The following CA10 variants were observed in gnomAD, a reference collection of about 807,000 sequenced individuals.
CA10 encodes the protein carbonic anhydrase 10 (inactive).
A neutral mutation model predicts 44.2 loss-of-function variants in CA10; 14 were observed. The ratio of observed to expected loss-of-function variants is 0.32; its 90% CI spans 0.21 to 0.50. The LOEUF is 0.50. CA10 is among the 20% of genes least tolerant of loss of function. The probability of loss-of-function intolerance (pLI) is 0.99; values close to 1 mark genes in which losing one functional copy is unlikely to be tolerated. For missense variants in CA10, 350 were observed against 409.7 expected, an observed-to-expected ratio of 0.85 and a Z score of 1.26; for synonymous variants, 159 against 141.6, an observed-to-expected ratio of 1.12 and a Z score of -0.87.
intron 2 of CA10, among the ~76,000 whole-genome samples, chr17:52,011,919 G>A (rs935251047): frequency 2.0e-5 from 3 of 152,148 alleles, no homozygotes; most frequent in African/African-American, 7.2e-5. Flanking sequence ...GGTGAACACA[G>A]TTGTGTTTTA....
rs1980935205 is a variant in CA10, at chr17:51,893,230, A to G, written c.279+37760T>C. Among the ~76,000 whole-genome samples the G allele has an allele frequency of 2.6e-5, 4 of 152,154 alleles. 1 individual carries two copies. In the South Asian group the frequency reaches 8.3e-4, roughly 32 times the overall value. ...AGGATTGAGAGTAACATGAAACCAC[A>G]CTGGTTCTGCGTGGGTGGAAATTGT... On this transcript the variant is annotated intron_variant, in intron 3 of 8. Coordinates refer to ENST00000451037, the MANE Select transcript of CA10 (RefSeq NM_020178.5).
At chr17:51,864,322 T>C (rs547983428) in intron 3 of CA10, among the ~76,000 whole-genome samples, 55 of 152,290 alleles carry the variant, frequency 3.6e-4, no homozygotes, top group African/African-American at 1.3e-3. Flanking sequence ...CAAAACATGG[T>C]AAGTGGTCCA....
chr17:51,838,771 T>C (rs546462411), intron 3 of CA10, among the ~76,000 whole-genome samples: 192 of 152,370 alleles, frequency 1.3e-3, no homozygotes, highest in Middle Eastern at 6.8e-3. Context: ...CACACAGTTA[T>C]GCTCAAGGGA....
At chr17:51,827,661 G>C (rs1908078195) in intron 3 of CA10, among the ~76,000 whole-genome samples, 1 of 152,182 alleles carries the variant, frequency 6.6e-6, no homozygotes, top group Admixed American at 6.5e-5. Context: ...CTTGCTGGCA[G>C]GTAATCGTTA....
chr17:51,733,736 G>A (rs7219619), intron 4 of CA10, among the ~76,000 whole-genome samples: 3 of 152,106 alleles, frequency 2.0e-5, no homozygotes, highest in African/African-American at 7.2e-5. Flanking sequence ...CGGAGGAGTT[G>A]GAGGTGACAG....
chr17:51,673,400 C>T (rs1036404881), intron 4 of CA10, among the ~76,000 whole-genome samples: 6 of 152,160 alleles, frequency 3.9e-5, no homozygotes, highest in African/African-American at 1.4e-4. Flanking sequence ...ATTATCCTGC[C>T]ACCCTGAACT....
chr17:51,662,101 G>A (rs1371730454), intron 4 of CA10, among the ~76,000 whole-genome samples: 1 of 152,194 alleles, frequency 6.6e-6, no homozygotes. Context: ...TCCAGTAAGT[G>A]TTCTATACAG....
chr17:52,027,216 C>A (rs1051808977), intron 2 of CA10, among the ~76,000 whole-genome samples: 12 of 152,064 alleles, frequency 7.9e-5, no homozygotes, highest in Admixed American at 7.9e-4. Flanking sequence ...AATGCAGCTA[C>A]TGATCAAGAA....
At chr17:51,986,565 G>A (rs577208297) in intron 2 of CA10, among the ~76,000 whole-genome samples, 1 of 151,768 alleles carries the variant, frequency 6.6e-6, no homozygotes, top group Non-Finnish European at 1.5e-5. Flanking sequence ...AGTTAGCAGA[G>A]CAGACAACCT....
At chr17:51,729,856 A>G (rs1286998933) in intron 4 of CA10, among the ~76,000 whole-genome samples, 1 of 152,250 alleles carries the variant, frequency 6.6e-6, no homozygotes, top group East Asian at 1.9e-4. Flanking sequence ...ATGTGGTCAG[A>G]TAAAGGGAAA....
At chr17:51,759,785 A>G (rs1392940799) in intron 3 of CA10, among the ~76,000 whole-genome samples, 1 of 152,098 alleles carries the variant, frequency 6.6e-6, no homozygotes, top group Non-Finnish European at 1.5e-5. Context: ...GAAGGGGTAC[A>G]GTAATATAGA....
intron 4 of CA10, among the ~76,000 whole-genome samples, chr17:51,655,039 A>C (rs1252588019): frequency 2.0e-5 from 3 of 152,168 alleles, no homozygotes; most frequent in Non-Finnish European, 4.4e-5. Flanking sequence ...AAAAATAATA[A>C]ATTCCCTAGT....
At chr17:51,718,644 A>G (rs1458244666) in intron 4 of CA10, among the ~76,000 whole-genome samples, 1 of 152,218 alleles carries the variant, frequency 6.6e-6, no homozygotes, top group Middle Eastern at 3.2e-3. Flanking sequence ...AAAAGTGGTC[A>G]TGGGAACATG....
chr17:52,124,992 T>A (rs1276521514), intron 1 of CA10, among the ~76,000 whole-genome samples: 1 of 152,218 alleles, frequency 6.6e-6, no homozygotes, highest in Non-Finnish European at 1.5e-5. Context: ...GATGCTATTA[T>A]CTCTCCATAA....
chr17:52,049,489 C>T (rs1335945456), intron 2 of CA10, among the ~76,000 whole-genome samples: 1 of 152,074 alleles, frequency 6.6e-6, no homozygotes, highest in East Asian at 1.9e-4. Context: ...TTTGTTAAAA[C>T]AAACAAAACC....
Position 52,113,429 on chromosome 17 carries a change from T to G in CA10, c.62-41036A>C, listed in dbSNP as rs533594404. On this transcript the variant is annotated intron_variant, in intron 1 of 8. Transcript: ENST00000451037. ...AAAAAAATGTATACTGATACCCATA[T>G]GCATAAGGCATTGCCCTGGGCACCA... is the stretch of plus-strand genomic sequence containing the variant. 2.0e-4 allele frequency among the ~76,000 whole-genome samples: 31 copies of G among 152,330 alleles called. No homozygotes were observed. In the South Asian group the frequency reaches 6.2e-3, roughly 31 times the overall value.
At chr17:51,825,495 C>G (rs1348673743) in intron 3 of CA10, among the ~76,000 whole-genome samples, 1 of 152,166 alleles carries the variant, frequency 6.6e-6, no homozygotes, top group Non-Finnish European at 1.5e-5. Context: ...AAAGCAGGCA[C>G]AGAGAGGTTA....
chr17:51,914,383 C>T (rs1399708602), intron 3 of CA10, among the ~76,000 whole-genome samples: 4 of 152,168 alleles, frequency 2.6e-5, no homozygotes, highest in African/African-American at 4.8e-5. Flanking sequence ...TGACAACTAT[C>T]TTGGGCATTT....
At chr17:52,047,161 C>G (rs1986935015) in intron 2 of CA10, among the ~76,000 whole-genome samples, 1 of 151,880 alleles carries the variant, frequency 6.6e-6, no homozygotes, top group Admixed American at 6.6e-5. Context: ...ATACAGTCAA[C>G]AATATAACAT....
Sources: gnomAD v4.1 joint callset for allele counts (sites outside exome capture counted in the v4.1 genomes callset) on GRCh38, gnomAD v4.1.1 for gene constraint, MANE v1.5 for transcripts, NCBI Gene and HGNC (gene_info 2026-07-23, HGNC 2026-07-21) for gene names.